The following AHCYL1 variants were observed in gnomAD, a reference collection of about 807,000 sequenced individuals.
The protein encoded by AHCYL1 is S-adenosylhomocysteine hydrolase-like protein 1.
In AHCYL1, 20 loss-of-function variants were observed where a neutral mutation model predicts 79.3. That is an observed-to-expected ratio of 0.25 (90% CI 0.18 to 0.37). The LOEUF is 0.37. Among genes scored for constraint, AHCYL1 ranks in the 10% least tolerant of loss-of-function variants. The pLI, the probability that AHCYL1 is intolerant of heterozygous loss-of-function variation, is 1.00. For synonymous variants in AHCYL1, 223 were observed against 242.2 expected (o/e 0.92, Z 0.74); for missense variants, 330 against 673.6 (o/e 0.49, Z 5.65).
Position 109,984,863 on chromosome 1 carries a change from G to C in AHCYL1, c.-190G>C, listed in dbSNP as rs1413321517. 2 of 907,348 alleles carry C rather than the reference G, an allele frequency of 2.2e-6. No individual in the cohort carries two copies. The highest frequency in any genetic ancestry group is 1.4e-6 in the Non-Finnish European group (1 of 691,834). The allele number at this position is 907,348 out of a possible 1,614,324, so 56.2% of individuals were successfully genotyped here. On this transcript the variant is annotated 5_prime_UTR_variant, in exon 1 of 17. Transcript: ENST00000369799. ...TCTCTTGTGGCCGCCGTCGCTGTCC[G>C]GCTGCCTTGGGCTGCCGAACAGACA...
Position 109,984,857 on chromosome 1 carries a change from C to T in AHCYL1, c.-196C>T. On this transcript the variant is annotated 5_prime_UTR_variant, in exon 1 of 17. Transcript: ENST00000369799. ...TCTGGTTCTCTTGTGGCCGCCGTCGCTGTCCGGCTGCCTTGGGCTGCCGAA... is the reference window on the plus strand; with the variant it reads ...TCTGGTTCTCTTGTGGCCGCCGTCGTTGTCCGGCTGCCTTGGGCTGCCGAA... 1 of 846,890 alleles carries T rather than the reference C, an allele frequency of 1.2e-6. No individual in the cohort carries two copies. The allele number at this position is 846,890 out of a possible 1,614,324, so 52.5% of individuals were successfully genotyped here.
In AHCYL1 at chr1:110,004,133, T is replaced by G. The variant is rs115632884; in HGVS notation, c.121-4901T>G. 2,530 of 985,496 alleles carry G rather than the reference T, an allele frequency of 2.6e-3. 49 individuals are homozygous for G. In the African/African-American group the frequency reaches 0.042, roughly 16 times the overall value. 61.0% of individuals were successfully genotyped at this position (985,496 alleles called of 1,614,324 possible). A position where few individuals can be genotyped will look rare whatever the true frequency, so the allele number is the denominator to read the frequency against. On this transcript the variant is annotated intron_variant, in intron 1 of 16. Transcript: ENST00000369799. Reference sequence around the variant, plus strand: ...AGTCCTACTTTGAAAGGAGTATTGCTTCTGACTGTGGAATTGGATTCTAGC... The same window carrying G: ...AGTCCTACTTTGAAAGGAGTATTGCGTCTGACTGTGGAATTGGATTCTAGC...
At chr1:110,000,607 C>T (rs561114663) in intron 1 of AHCYL1, among the ~76,000 whole-genome samples, 1 of 152,170 alleles carries the variant, frequency 6.6e-6, no homozygotes, top group African/African-American at 2.4e-5. Context: ...GTTATAAGCT[C>T]AGAAAGCTTA....
At chr1:110,021,189 T>G (rs146113329) in intron 16 of AHCYL1, among the ~76,000 whole-genome samples, 12 of 152,076 alleles carry the variant, frequency 7.9e-5, no homozygotes, top group Non-Finnish European at 1.8e-4. Flanking sequence ...TGCAGTGAGC[T>G]GGGATCATGC....
intron 1 of AHCYL1, among the ~76,000 whole-genome samples, chr1:109,990,265 A>G (rs1649685043): frequency 6.6e-6 from 1 of 152,140 alleles, no homozygotes; most frequent in Non-Finnish European, 1.5e-5. Context: ...CATCTGTAAA[A>G]TGGGGAACAA....
intron 1 of AHCYL1, among the ~76,000 whole-genome samples, chr1:109,998,534 G>A (rs1307440732): frequency 6.6e-6 from 1 of 152,180 alleles, no homozygotes; most frequent in Non-Finnish European, 1.5e-5. Flanking sequence ...CTGGAGTGCA[G>A]TGGTGTGATC....
At chr1:109,990,205 T>C (rs1468172072) in intron 1 of AHCYL1, among the ~76,000 whole-genome samples, 1 of 152,208 alleles carries the variant, frequency 6.6e-6, no homozygotes, top group African/African-American at 2.4e-5. Flanking sequence ...TTACCTTTAG[T>C]CTCTACCATC....
intron 1 of AHCYL1, among the ~76,000 whole-genome samples, chr1:109,999,784 G>A (rs1039553756): frequency 6.6e-6 from 1 of 151,660 alleles, no homozygotes; most frequent in African/African-American, 2.4e-5. Flanking sequence ...TGGAGACAGG[G>A]TCTTGCTCTG....
At chr1:110,003,815 C>G (rs1350883345) in intron 1 of AHCYL1, 1 of 503,390 alleles carries the variant, frequency 2.0e-6, no homozygotes, top group Non-Finnish European at 2.6e-6. Flanking sequence ...GATTGGGAAG[C>G]CCTTTTCTGT....
In AHCYL1 at chr1:109,984,829, T is replaced by C; in HGVS notation, c.-224T>C. 3.8e-6 allele frequency: 1 copy of C among 265,050 alleles called. No homozygotes were observed. The highest frequency in any genetic ancestry group is 5.0e-6 in the Non-Finnish European group (1 of 198,790). The allele number at this position is 265,050 out of a possible 1,614,324, so 16.4% of individuals were successfully genotyped here. A position where few individuals can be genotyped will look rare whatever the true frequency, so the allele number is the denominator to read the frequency against. On this transcript the variant is annotated 5_prime_UTR_variant, in exon 1 of 17. Coordinates refer to ENST00000369799, the MANE Select transcript of AHCYL1 (RefSeq NM_006621.7). ...CGGGCAGGTCGGAGCTCGGAGCTGCTGTTCTGGTTCTCTTGTGGCCGCCGT... is the reference window on the plus strand; with the variant it reads ...CGGGCAGGTCGGAGCTCGGAGCTGCCGTTCTGGTTCTCTTGTGGCCGCCGT...
At chr1:109,999,510 C>T (rs1650197571) in intron 1 of AHCYL1, among the ~76,000 whole-genome samples, 1 of 152,134 alleles carries the variant, frequency 6.6e-6, no homozygotes, top group African/African-American at 2.4e-5. Context: ...TTAGATTGCA[C>T]ATAAAAGTGA....
chr1:110,016,544 T>C, intron 8 of AHCYL1, 84 bp downstream of exon 8: 1 of 1,559,950 alleles, frequency 6.4e-7, no homozygotes, highest in East Asian at 2.2e-5. Flanking sequence ...GACCATTTCA[T>C]ACTGAGCTCA....
intron 1 of AHCYL1, among the ~76,000 whole-genome samples, chr1:109,988,872 A>T (rs748853687): frequency 6.6e-6 from 1 of 152,256 alleles, no homozygotes; most frequent in Non-Finnish European, 1.5e-5. Flanking sequence ...TAGAGCCCCA[A>T]TGGGTACAGC....
At chr1:110,014,716 G>T in intron 5 of AHCYL1, 47 bp from the exon 6 acceptor site, 1 of 1,435,390 alleles carries the variant, frequency 7.0e-7, no homozygotes, top group Non-Finnish European at 9.8e-7. Flanking sequence ...TTTGGTACAG[G>T]ACACTCCTCA....
chr1:110,002,130 T>C (rs1021638362), intron 1 of AHCYL1, among the ~76,000 whole-genome samples: 1 of 152,196 alleles, frequency 6.6e-6, no homozygotes, highest in Admixed American at 6.5e-5. Context: ...AGTAGAAATA[T>C]CAATATGAAC....
chr1:110,012,302 G>C (rs1651084124), intron 3 of AHCYL1, 60 bp from the exon 4 acceptor site: 2 of 1,479,608 alleles, frequency 1.4e-6, no homozygotes, highest in Middle Eastern at 2.0e-4. Flanking sequence ...ACCAGCCCTG[G>C]GGCAGGAACT....
At chr1:110,013,021 C>G in intron 5 of AHCYL1, 22 bp downstream of exon 5, 1 of 1,578,850 alleles carries the variant, frequency 6.3e-7, no homozygotes, top group Admixed American at 1.8e-5. Context: ...TTTTTCCCAC[C>G]AACTTTGCCC....
Position 110,011,274 on chromosome 1 carries a change from A to T in AHCYL1, c.293A>T (p.Asn98Ile). The change falls in exon 3 of 17, where the codon AAC becomes ATC. Residue 98 changes from asparagine (N) to isoleucine (I), a missense_variant. Asn to Ile is a moderately radical substitution (Grantham distance 149). This residue lies in a region of AHCYL1 where 97 missense variants were observed against 176.3 expected (regional missense o/e 0.55). Coordinates refer to ENST00000369799, the MANE Select transcript of AHCYL1 (RefSeq NM_006621.7). ...TCTCCCCGAGAGAAGCAGCAAACCA[A>T]CTCCAAGGGCAGCAGCAATTTCTGT... is the stretch of plus-strand genomic sequence containing the variant. ...EVSPREKQQT[N>I]SKGSSNFCVK... 1 of 1,614,044 alleles carries T rather than the reference A, an allele frequency of 6.2e-7. No individual in the cohort carries two copies. The highest frequency in any genetic ancestry group is 8.5e-7 in the Non-Finnish European group (1 of 1,180,004).
At position 110,014,791 on chromosome 1, in the gene AHCYL1, G is replaced by A. The variant is rs142587513; in HGVS notation, c.609G>A (p.Glu203=). 292 of 1,614,086 alleles carry A rather than the reference G, an allele frequency of 1.8e-4. No individual in the cohort carries two copies. The highest frequency in any genetic ancestry group is 2.4e-4 in the Non-Finnish European group (279 of 1,180,030). ...AGVAVFAWKG[E]SEDDFWWCID... is the part of the protein sequence containing the mutation. ...TTGCAGTGTTCGCTTGGAAGGGCGA[G>A]TCAGAAGATGACTTCTGGTGGTGTA... The change falls in exon 6 of 17, where the codon GAG becomes GAA. Residue 203 remains glutamate, a synonymous_variant. Transcript: ENST00000369799.
Sources: allele counts gnomAD v4.1 joint callset (sites outside exome capture counted in the v4.1 genomes callset), GRCh38; gene constraint gnomAD v4.1.1; regional missense constraint gnomAD v4.1.1; transcripts MANE v1.5; gene names NCBI Gene and HGNC (gene_info 2026-07-23, HGNC 2026-07-21).